HECW2: variants seen among roughly 807,000 people sequenced by gnomAD.
The protein encoded by HECW2 is E3 ubiquitin-protein ligase HECW2.
Under a neutral mutation model 175.2 loss-of-function variants are expected in HECW2, and 61 were observed. The observed-to-expected ratio is 0.35, with a 90% CI of 0.28 to 0.43. The LOEUF (loss-of-function observed/expected upper bound fraction) is 0.43, where lower values mean the gene tolerates loss of function less well. Ranked by LOEUF, HECW2 falls within the 20% of genes least tolerant of loss-of-function variation. HECW2 has a pLI of 1.00. For synonymous variants in HECW2, 671 were observed against 731.0 expected, an observed-to-expected ratio of 0.92 and a Z score of 1.32; for missense variants, 1,524 against 2,000.5, an observed-to-expected ratio of 0.76 and a Z score of 4.54.
At chr2:196,489,535 T>C (rs1318887986) in intron 1 of HECW2, among the ~76,000 whole-genome samples, 1 of 152,158 alleles carries the variant, frequency 6.6e-6, no homozygotes, top group African/African-American at 2.4e-5. Flanking sequence ...CCAAATCCTT[T>C]CCTTCCAATC....
At chr2:196,328,949 A>G (rs1327770034) in intron 5 of HECW2, among the ~76,000 whole-genome samples, 2 of 152,146 alleles carry the variant, frequency 1.3e-5, no homozygotes, top group East Asian at 3.8e-4. Context: ...AGTTTATATA[A>G]ATTGATGCTT....
At chr2:196,244,820 T>G (rs1350040207) in intron 19 of HECW2, among the ~76,000 whole-genome samples, 5 of 151,430 alleles carry the variant, frequency 3.3e-5, no homozygotes, top group Non-Finnish European at 7.4e-5. Context: ...GTGCTGGGAG[T>G]AAATGGGAAA....
At chr2:196,544,233 T>A (rs1689326065) in intron 1 of HECW2, among the ~76,000 whole-genome samples, 1 of 151,362 alleles carries the variant, frequency 6.6e-6, no homozygotes, top group South Asian at 2.1e-4. Flanking sequence ...CAGGCCTCTG[T>A]GGGATGGCAG....
chr2:196,252,944 A>G (rs1194359847), intron 19 of HECW2, among the ~76,000 whole-genome samples: 1 of 152,204 alleles, frequency 6.6e-6, no homozygotes, highest in Non-Finnish European at 1.5e-5. Flanking sequence ...AGAGCTTCAC[A>G]GAGTTATTTG....
chr2:196,471,741 CACTT>C (rs1697205410), intron 1 of HECW2, among the ~76,000 whole-genome samples: 1 of 152,066 alleles, frequency 6.6e-6, no homozygotes, highest in African/African-American at 2.4e-5. Flanking sequence ...TACATGTTCT[CACTT>C]ACAAGTAGGG....
Position 196,239,015 on chromosome 2 carries a change from C to T in HECW2, c.3764+1434G>A, listed in dbSNP as rs182410927. 5.7e-4 allele frequency: 87 copies of T among 152,298 alleles called. 1 individual carries two copies. Among genetic ancestry groups the T allele is most frequent in the African/African-American group, 2.0e-3 (85 of 41,560 alleles). The allele number at this position is 152,298 out of a possible 1,614,324, so 9.4% of individuals were successfully genotyped here. ...GGAGGAAAAGTATTCTCATCCAAAC[C>T]AGACTGATTATGTAAGGAAATACTT... On this transcript the variant is annotated intron_variant, in intron 21 of 28. Transcript: ENST00000644978.
At chr2:196,323,915 GTTTGTTTTTTTTT>G (rs1220965369) in intron 6 of HECW2, among the ~76,000 whole-genome samples, 1 of 68,838 alleles carries the variant, frequency 1.5e-5, no homozygotes, top group South Asian at 6.2e-4. Context: ...TTTGTTTTTT[GTTTGTTTTTTTTT>G]TTTTTTTTTA....
In HECW2 at chr2:196,325,118, C is replaced by G; in HGVS notation, c.603G>C (p.Met201Ile). ...DLRAVGLKKGMFFNPDPYLKM... is the reference protein window; with the variant it reads ...DLRAVGLKKGIFFNPDPYLKM... ...TAAGATAAGGGTCAGGATTGAAGAA[C>G]ATCCCTTTCTTTAGCCCAACTGCCC... Residue 201 changes from methionine to isoleucine, a missense_variant, in exon 6 of 29, where the codon ATG (methionine) becomes ATC (isoleucine). Around this residue, in one of 11 missense-constraint regions of HECW2, gnomAD observed 54 missense variants for 46.8 expected, o/e 1.15. Coordinates refer to ENST00000644978, the MANE Select transcript of HECW2 (RefSeq NM_001348768.2). The G allele has an allele frequency of 6.2e-7, 1 of 1,605,070 alleles. No homozygotes were observed. Among genetic ancestry groups the G allele is most frequent in the Non-Finnish European group, 8.5e-7 (1 of 1,176,626 alleles).
intron 2 of HECW2, among the ~76,000 whole-genome samples, chr2:196,412,139 G>A (rs1298687076): frequency 3.3e-5 from 5 of 152,180 alleles, no homozygotes; most frequent in South Asian, 2.1e-4. Flanking sequence ...TAGGGCTGCC[G>A]TGATAAATTA....
At chr2:196,565,933 T>A (rs1690172256) in intron 1 of HECW2, among the ~76,000 whole-genome samples, 1 of 152,180 alleles carries the variant, frequency 6.6e-6, no homozygotes, top group African/African-American at 2.4e-5. Context: ...TCCACTTTTG[T>A]ATATGTTTCA....
intron 21 of HECW2, among the ~76,000 whole-genome samples, chr2:196,233,207 T>G (rs1014347526): frequency 1.3e-5 from 2 of 152,180 alleles, no homozygotes; most frequent in Admixed American, 1.3e-4. Flanking sequence ...CACGGAAATA[T>G]AAAAACTCTG....
At chr2:196,499,042 C>T (rs180905415) in intron 1 of HECW2, among the ~76,000 whole-genome samples, 3 of 152,226 alleles carry the variant, frequency 2.0e-5, no homozygotes, top group Admixed American at 2.0e-4. Context: ...CCCCTGCCCA[C>T]CAACCTATCC....
chr2:196,497,293 A>C (rs184109391), intron 1 of HECW2, among the ~76,000 whole-genome samples: 51 of 152,342 alleles, frequency 3.3e-4, no homozygotes, highest in Admixed American at 3.0e-3. Context: ...CAAACAAATC[A>C]TTTCACCTAG....
At chr2:196,491,363 T>TACACAC (rs1465103851) in intron 1 of HECW2, among the ~76,000 whole-genome samples, 6 of 68,572 alleles carry the variant, frequency 8.7e-5, no homozygotes, top group African/African-American at 3.2e-4. Flanking sequence ...CAAAATCATA[T>TACACAC]ATATATACAC....
intron 4 of HECW2, among the ~76,000 whole-genome samples, chr2:196,330,811 C>A (rs959445547): frequency 2.6e-5 from 4 of 152,176 alleles, no homozygotes; most frequent in African/African-American, 7.2e-5. Context: ...GGCTACTAAC[C>A]CCCACTTTCC....
intron 1 of HECW2, among the ~76,000 whole-genome samples, chr2:196,535,248 A>G (rs533737109): frequency 6.6e-6 from 1 of 152,294 alleles, no homozygotes; most frequent in African/African-American, 2.4e-5. Flanking sequence ...CAAAATCAAG[A>G]TCAGTACTAA....
intron 2 of HECW2, among the ~76,000 whole-genome samples, chr2:196,354,778 T>G (rs1313753394): frequency 6.6e-6 from 1 of 152,156 alleles, no homozygotes; most frequent in Non-Finnish European, 1.5e-5. Flanking sequence ...AATTTCCAAT[T>G]AACATTCACA....
At chr2:196,407,480 G>A (rs1694995713) in intron 2 of HECW2, among the ~76,000 whole-genome samples, 1 of 152,158 alleles carries the variant, frequency 6.6e-6, no homozygotes, top group Non-Finnish European at 1.5e-5. Context: ...GGGATTACAG[G>A]CATGAGCCAG....
Position 196,325,247 on chromosome 2 carries a change from A to C in HECW2, c.572-98T>G, listed in dbSNP as rs796925741. 10 of 851,606 alleles carry C rather than the reference A, an allele frequency of 1.2e-5. No homozygotes were observed. In the South Asian group the frequency reaches 1.8e-4, roughly 16 times the overall value. 52.8% of individuals were successfully genotyped at this position (851,606 alleles called of 1,614,324 possible). The stretch of plus-strand genomic sequence containing the variant: ...GGAGAGAACAAGGGACAGAAGAAGG[A>C]AGGATTCATATGTCCTGATTAGAAC... On this transcript the variant is annotated intron_variant, in intron 5 of 28. Transcript: ENST00000644978.
Sources: gnomAD v4.1 joint callset for allele counts (sites outside exome capture counted in the v4.1 genomes callset) on GRCh38, gnomAD v4.1.1 for gene constraint, gnomAD v4.1.1 regional missense constraint, MANE v1.5 for transcripts, NCBI Gene and HGNC (gene_info 2026-07-23, HGNC 2026-07-21) for gene names.